The following EDC4 variants were observed in gnomAD, a reference collection of about 807,000 sequenced individuals.
EDC4 encodes the protein enhancer of mRNA decapping 4.
A neutral mutation model predicts 155.8 loss-of-function variants in EDC4; 64 were observed. That is an observed-to-expected ratio of 0.41 (90% CI 0.34 to 0.51). The LOEUF is 0.51. Among genes scored for constraint, EDC4 ranks in the 20% least tolerant of loss-of-function variants. The pLI is 0.19. For missense variants in EDC4, 1,303 were observed against 1,812.5 expected, an observed-to-expected ratio of 0.72 and a Z score of 5.10; for synonymous variants, 684 against 716.8, an observed-to-expected ratio of 0.95 and a Z score of 0.73.
Position 67,881,157 on chromosome 16 carries a change from C to T in EDC4, c.2613C>T (p.Ser871=). ...ATCACCTGCTGCAGCAACGTGACAGCCAGGATGCCAGTGCTGAGCAAAGGT... is the reference window on the plus strand; with the variant it reads ...ATCACCTGCTGCAGCAACGTGACAGTCAGGATGCCAGTGCTGAGCAAAGGT... ...PPYHLLQQRD[S]QDASAEQSDH... is the part of the protein sequence containing the mutation. Residue 871 remains serine, a synonymous_variant, in exon 19 of 29, where the codon AGC becomes AGT. Transcript: ENST00000358933. The surrounding 1 kb of genome is among the most constrained non-coding windows in gnomAD (Gnocchi z 5.4). 1 of 1,614,142 alleles carries T rather than the reference C, an allele frequency of 6.2e-7. No individual in the cohort carries two copies. The highest frequency in any genetic ancestry group is 8.5e-7 in the Non-Finnish European group (1 of 1,180,038).
At position 67,877,866 on chromosome 16, in the gene EDC4, C is replaced by T. The variant is rs1204252535; in HGVS notation, c.894+21C>T. ...GCACGGTAAGCCTGTGACTGCCTGC[C>T]TCCCCTGCCCTCCCCACTTCCTCAT... is the stretch of plus-strand genomic sequence containing the variant. On this transcript the variant is annotated intron_variant, in intron 7 of 28. Transcript: ENST00000358933. This position sits in a 1 kb window ranked among gnomAD's most constrained non-coding sequence, Gnocchi z 4.9. The T allele has an allele frequency of 6.2e-7, 1 of 1,613,096 alleles. No individual in the cohort carries two copies. Among genetic ancestry groups the T allele is most frequent in the Non-Finnish European group, 8.5e-7 (1 of 1,179,754 alleles).
chr16:67,881,795 C>G lies in EDC4; in HGVS notation c.2954C>G (p.Thr985Arg). The change falls in exon 22 of 29, where the codon ACA becomes AGA. Residue 985 changes from threonine to arginine, a missense_variant. Coordinates refer to ENST00000358933, the MANE Select transcript of EDC4 (RefSeq NM_014329.5). The surrounding 1 kb of genome is among the most constrained non-coding windows in gnomAD (Gnocchi z 5.4). ...LCTQLEGLQS[T>R]VTGHVERALE... ...ACCCAACTCGAAGGCCTGCAGAGCACAGTCACAGGCCACGTAGAACGTGCC... is the reference window on the plus strand; with the variant it reads ...ACCCAACTCGAAGGCCTGCAGAGCAGAGTCACAGGCCACGTAGAACGTGCC... The G allele has an allele frequency of 4.3e-6, 7 of 1,614,102 alleles. No individual in the cohort carries two copies. Among genetic ancestry groups the G allele is most frequent in the Non-Finnish European group, 5.9e-6 (7 of 1,179,948 alleles).
rs944972928 is a variant in EDC4, at chr16:67,884,294, G to A, written c.*146G>A. ...GGTCAGGGAGCAGGGAGCACTGGCC[G>A]TGGTCTACAGCGTGTGGTAGTCAGA... On this transcript the variant is annotated 3_prime_UTR_variant, in exon 29 of 29. Transcript: ENST00000358933. This position sits in a 1 kb window ranked among gnomAD's most constrained non-coding sequence, Gnocchi z 4.1. 8.0e-6 allele frequency: 6 copies of A among 751,626 alleles called. No individual in the cohort carries two copies. The highest frequency in any genetic ancestry group is 3.9e-4 in the Middle Eastern group (1 of 2,556). The allele number at this position is 751,626 out of a possible 1,614,324, so 46.6% of individuals were successfully genotyped here.
At position 67,876,407 on chromosome 16, in the gene EDC4, C is replaced by G; in HGVS notation, c.240-81C>G. 1 of 1,554,026 alleles carries G rather than the reference C, an allele frequency of 6.4e-7. No individual in the cohort carries two copies. Reference sequence around the variant, plus strand: ...GGACTAGATACCTTCCCCAGTCTGGCTATGTCCTCGCTTCCTCCCAACCCT... The same window carrying G: ...GGACTAGATACCTTCCCCAGTCTGGGTATGTCCTCGCTTCCTCCCAACCCT... On this transcript the variant is annotated intron_variant, in intron 2 of 28. Coordinates refer to ENST00000358933, the MANE Select transcript of EDC4 (RefSeq NM_014329.5). This position sits in a 1 kb window ranked among gnomAD's most constrained non-coding sequence, Gnocchi z 5.8.
In EDC4 at chr16:67,882,684, C is replaced by G. The variant is rs1267285256; in HGVS notation, c.3448C>G (p.Gln1150Glu). 6 of 1,614,136 alleles carry G rather than the reference C, an allele frequency of 3.7e-6. No homozygotes were observed. The highest frequency in any genetic ancestry group is 1.3e-5 in the African/African-American group (1 of 74,940). The part of the protein sequence containing the change: ...SFRLGTQEYL[Q>E]QLESHMKSRK... ...TCCCTGTGGTCACCCCTCAGACTTG[C>G]AGCAGCTAGAAAGCCACATGAAGAG... The change falls in exon 26 of 29, where the codon CAG becomes GAG. Residue 1150 changes from glutamine (Q) to glutamate (E), a missense_variant. Gln to Glu is a conservative substitution (Grantham distance 29). Around this residue, in one of 5 missense-constraint regions of EDC4, gnomAD observed 527 missense variants for 757.0 expected, o/e 0.70. Coordinates refer to ENST00000358933, the MANE Select transcript of EDC4 (RefSeq NM_014329.5). This position sits in a 1 kb window ranked among gnomAD's most constrained non-coding sequence, Gnocchi z 7.2.
rs185255821 is a variant in EDC4 at position 67,881,580 on chromosome 16, G to A, written c.2826+47G>A. 76 of 1,613,432 alleles carry A rather than the reference G, an allele frequency of 4.7e-5. No individual in the cohort carries two copies. In the African/African-American group the frequency reaches 7.6e-4, roughly 16 times the overall value. ...GTACTTGTGGAACTTCACCCTGGGC[G>A]GGTGGAGAAGGGCTCTGGGCCATTC... On this transcript the variant is annotated intron_variant, in intron 21 of 28. Coordinates refer to ENST00000358933, the MANE Select transcript of EDC4 (RefSeq NM_014329.5). The surrounding 1 kb of genome is among the most constrained non-coding windows in gnomAD (Gnocchi z 5.4).
Position 67,880,934 on chromosome 16 carries a change from G to C in EDC4, c.2475G>C (p.Gln825His). ...AGGAGGCCTCGACTCCTGACAGTCAGGTTTGGCCCACAGCACCTGACATTA... is the reference window on the plus strand; with the variant it reads ...AGGAGGCCTCGACTCCTGACAGTCACGTTTGGCCCACAGCACCTGACATTA... Reference protein sequence around the residue: ...LTQEASTPDSQVWPTAPDITR... With the variant: ...LTQEASTPDSHVWPTAPDITR... The change falls in exon 18 of 29, where the codon CAG (glutamine) becomes CAC (histidine). Residue 825 changes from glutamine (Q) to histidine (H), a missense_variant. Physicochemically the swap from Gln to His is conservative, Grantham distance 24 (BLOSUM62 0). This residue lies in a region of EDC4 where 527 missense variants were observed against 757.0 expected (regional missense o/e 0.70). Transcript: ENST00000358933. The surrounding 1 kb of genome is among the most constrained non-coding windows in gnomAD (Gnocchi z 5.2). 6.2e-7 allele frequency: 1 copy of C among 1,614,034 alleles called. No homozygotes were observed. Among genetic ancestry groups the C allele is most frequent in the Non-Finnish European group, 8.5e-7 (1 of 1,180,006 alleles).
Position 67,879,405 on chromosome 16 carries a change from C to T in EDC4, c.1542-7C>T. 1 of 1,614,214 alleles carries T rather than the reference C, an allele frequency of 6.2e-7. No individual in the cohort carries two copies. The highest frequency in any genetic ancestry group is 8.5e-7 in the Non-Finnish European group (1 of 1,180,040). On this transcript the variant is annotated splice_region_variant and splice_polypyrimidine_tract_variant and intron_variant, in intron 13 of 28. Coordinates refer to ENST00000358933, the MANE Select transcript of EDC4 (RefSeq NM_014329.5). The surrounding 1 kb of genome is among the most constrained non-coding windows in gnomAD (Gnocchi z 6.0). ...AGCACTTTATTCTCCCCCTTCTTTT[C>T]CTGCAGGGCACTGCAAGATGTGCAG...
Position 67,879,881 on chromosome 16 carries a change from G to A in EDC4, c.1853G>A (p.Gly618Asp), listed in dbSNP as rs1344603022. 2 of 1,610,894 alleles carry A rather than the reference G, an allele frequency of 1.2e-6. No homozygotes were observed. Among genetic ancestry groups the A allele is most frequent in the Admixed American group, 3.3e-5 (2 of 59,956 alleles). The change falls in exon 16 of 29, where the codon GGT becomes GAT. Residue 618 changes from glycine (G) to aspartate (D), a missense_variant. Gly to Asp is a moderately conservative substitution (Grantham distance 94, BLOSUM62 -1). This residue lies in a region of EDC4 where 391 missense variants were observed against 445.4 expected (regional missense o/e 0.88). Transcript: ENST00000358933. The surrounding 1 kb of genome is among the most constrained non-coding windows in gnomAD (Gnocchi z 6.0). ...ITASPSSSSSGSSSSSSSSSS... is the reference protein window; with the variant it reads ...ITASPSSSSSDSSSSSSSSSS... Reference sequence around the variant, plus strand: ...GCCTCTCCCAGCAGCAGCAGCAGCGGTAGCAGCAGCAGCAGCAGCAGTAGC... The same window carrying A: ...GCCTCTCCCAGCAGCAGCAGCAGCGATAGCAGCAGCAGCAGCAGCAGTAGC...
In EDC4 at chr16:67,884,180, G is replaced by A. The variant is rs201317918; in HGVS notation, c.*32G>A. ...AGCCTGCCTTGCCCAGGGGTGGGATGGCACTGAAGGCCAGCAGACAGGCCT... is the reference window on the plus strand; with the variant it reads ...AGCCTGCCTTGCCCAGGGGTGGGATAGCACTGAAGGCCAGCAGACAGGCCT... On this transcript the variant is annotated 3_prime_UTR_variant, in exon 29 of 29. Transcript: ENST00000358933. The surrounding 1 kb of genome is among the most constrained non-coding windows in gnomAD (Gnocchi z 4.1). The A allele has an allele frequency of 1.7e-5, 27 of 1,563,556 alleles. No individual in the cohort carries two copies. In the Admixed American group the frequency reaches 2.5e-4, roughly 14 times the overall value.
Position 67,881,658 on chromosome 16 carries a change from C to A in EDC4, c.2827-10C>A. 1.2e-6 allele frequency: 2 copies of A among 1,611,214 alleles called. No homozygotes were observed. The highest frequency in any genetic ancestry group is 8.5e-7 in the Non-Finnish European group (1 of 1,177,660). On this transcript the variant is annotated splice_polypyrimidine_tract_variant and intron_variant, in intron 21 of 28. Transcript: ENST00000358933. This position sits in a 1 kb window ranked among gnomAD's most constrained non-coding sequence, Gnocchi z 5.4. ...GGCAGGCATCGTGTGACTGTCAGTG[C>A]TACTGACAGGTGGCAGAGCCCCCTG...
Position 67,883,216 on chromosome 16 carries a change from T to C in EDC4, c.3849+39T>C. 6.6e-7 allele frequency: 1 copy of C among 1,520,450 alleles called. No individual in the cohort carries two copies. The highest frequency in any genetic ancestry group is 8.8e-7 in the Non-Finnish European group (1 of 1,132,906). 94.2% of individuals were successfully genotyped at this position (1,520,450 alleles called of 1,614,324 possible). ...TAGGCCCTGCTAAGGGTCACGTGTC[T>C]CTTGACAAGGCCCACATACCATACA... On this transcript the variant is annotated intron_variant, in intron 27 of 28. Coordinates refer to ENST00000358933, the MANE Select transcript of EDC4 (RefSeq NM_014329.5). This position sits in a 1 kb window ranked among gnomAD's most constrained non-coding sequence, Gnocchi z 5.3.
In EDC4 at chr16:67,878,889, C is replaced by T; in HGVS notation, c.1287+50C>T. ...GCAGAGTTGGGATTATAGAGGAAGGCCGGGGGGCAGGTGGCGCATCACAGC... is the reference window on the plus strand; with the variant it reads ...GCAGAGTTGGGATTATAGAGGAAGGTCGGGGGGCAGGTGGCGCATCACAGC... On this transcript the variant is annotated intron_variant, in intron 11 of 28. Coordinates refer to ENST00000358933, the MANE Select transcript of EDC4 (RefSeq NM_014329.5). The surrounding 1 kb of genome is among the most constrained non-coding windows in gnomAD (Gnocchi z 5.2). 1.2e-6 allele frequency: 2 copies of T among 1,611,198 alleles called. No individual in the cohort carries two copies. Among genetic ancestry groups the T allele is most frequent in the East Asian group, 4.5e-5 (2 of 44,884 alleles).
chr16:67,884,050 T>C lies in EDC4; in HGVS notation c.4108T>C (p.Phe1370Leu), dbSNP rs1567392665. ...SVMAQVRQKLFQFLQAEPHNS... is the reference protein window; with the variant it reads ...SVMAQVRQKLLQFLQAEPHNS... Reference sequence around the variant, plus strand: ...TATGGCCCAGGTGCGCCAAAAGCTTTTTCAGTTCCTGCAGGCTGAGCCACA... The same window carrying C: ...TATGGCCCAGGTGCGCCAAAAGCTTCTTCAGTTCCTGCAGGCTGAGCCACA... The change falls in exon 29 of 29, where the codon TTT (phenylalanine) becomes CTT (leucine). Residue 1370 changes from phenylalanine to leucine, a missense_variant. Transcript: ENST00000358933. This position sits in a 1 kb window ranked among gnomAD's most constrained non-coding sequence, Gnocchi z 4.1. 2 of 1,614,124 alleles carry C rather than the reference T, an allele frequency of 1.2e-6. No homozygotes were observed. Among genetic ancestry groups the C allele is most frequent in the Non-Finnish European group, 8.5e-7 (1 of 1,180,020 alleles).
In EDC4 at chr16:67,878,082, GAGTC is replaced by G; in HGVS notation, c.895-81_895-78del. The G allele has an allele frequency of 6.3e-7, 1 of 1,582,316 alleles. No homozygotes were observed. The highest frequency in any genetic ancestry group is 8.6e-7 in the Non-Finnish European group (1 of 1,162,692). ...CACACAAGCATGCCAGTCCCACCGTGAGTCAGCCCAGCTCATTGCCATCCTCACT... is the reference window on the plus strand; with the variant it reads ...CACACAAGCATGCCAGTCCCACCGTGAGCCCAGCTCATTGCCATCCTCACT... On this transcript the variant is annotated intron_variant, in intron 7 of 28. Coordinates refer to ENST00000358933, the MANE Select transcript of EDC4 (RefSeq NM_014329.5). This position sits in a 1 kb window ranked among gnomAD's most constrained non-coding sequence, Gnocchi z 5.2.
chr16:67,879,473 C>T lies in EDC4; in HGVS notation c.1603C>T (p.Leu535=). The change falls in exon 14 of 29, where the codon CTG becomes TTG. Residue 535 remains leucine, a synonymous_variant. Transcript: ENST00000358933. The surrounding 1 kb of genome is among the most constrained non-coding windows in gnomAD (Gnocchi z 6.0). ...PQLNPDVVAP[L]PTHTAHEDFT... is the part of the protein sequence containing the mutation. ...GCTGAACCCTGATGTGGTGGCCCCA[C>T]TGCCCACCCACACTGCCCACGAGGA... 6.2e-7 allele frequency: 1 copy of T among 1,614,212 alleles called. No individual in the cohort carries two copies.
chr16:67,878,254 T>A lies in EDC4; in HGVS notation c.983T>A (p.Ile328Asn), dbSNP rs1284974764. 2 of 1,613,876 alleles carry A rather than the reference T, an allele frequency of 1.2e-6. No individual in the cohort carries two copies. The highest frequency in any genetic ancestry group is 1.1e-5 in the South Asian group (1 of 91,066). ...TATGTCAAGTTCTGGCAGATCTACA[T>A]TGAGGGGCAAGATGAGCCAAGGTAA... ...DGYVKFWQIY[I>N]EGQDEPRCLH... Residue 328 changes from isoleucine (I) to asparagine (N), a missense_variant, in exon 8 of 29, where the codon ATT (isoleucine) becomes AAT (asparagine). Around this residue, in one of 5 missense-constraint regions of EDC4, gnomAD observed 235 missense variants for 367.7 expected, o/e 0.64. Coordinates refer to ENST00000358933, the MANE Select transcript of EDC4 (RefSeq NM_014329.5). The surrounding 1 kb of genome is among the most constrained non-coding windows in gnomAD (Gnocchi z 5.2).
At position 67,883,311 on chromosome 16, in the gene EDC4, G is replaced by C; in HGVS notation, c.3849+134G>C. Reference sequence around the variant, plus strand: ...TGTTCTTGGTTCCCTTTGGCCTCCAGGCCATTGTCCCTGCTGCTTCCTCTT... The same window carrying C: ...TGTTCTTGGTTCCCTTTGGCCTCCACGCCATTGTCCCTGCTGCTTCCTCTT... On this transcript the variant is annotated intron_variant, in intron 27 of 28. Transcript: ENST00000358933. The surrounding 1 kb of genome is among the most constrained non-coding windows in gnomAD (Gnocchi z 5.3). 2 of 1,405,876 alleles carry C rather than the reference G, an allele frequency of 1.4e-6. No individual in the cohort carries two copies. The highest frequency in any genetic ancestry group is 1.9e-6 in the Non-Finnish European group (2 of 1,060,294). The allele number at this position is 1,405,876 out of a possible 1,614,324, so 87.1% of individuals were successfully genotyped here. A position where few individuals can be genotyped will look rare whatever the true frequency, so the allele number is the denominator to read the frequency against.
chr16:67,876,621 C>T lies in EDC4; in HGVS notation c.351+22C>T, dbSNP rs1326232252. ...CAAGGTAGGTACTGGGATGCTGTGG[C>T]ATATATAATGTACGGGGGCACACCC... On this transcript the variant is annotated intron_variant, in intron 3 of 28. Transcript: ENST00000358933. The surrounding 1 kb of genome is among the most constrained non-coding windows in gnomAD (Gnocchi z 5.8). 2 of 1,613,224 alleles carry T rather than the reference C, an allele frequency of 1.2e-6. No homozygotes were observed. The highest frequency in any genetic ancestry group is 1.3e-5 in the African/African-American group (1 of 74,904).
Sources: allele counts gnomAD v4.1 joint callset, GRCh38; gene constraint gnomAD v4.1.1; regional missense constraint gnomAD v4.1.1; non-coding constraint Gnocchi (gnomAD v3.1); transcripts MANE v1.5; gene names NCBI Gene and HGNC (gene_info 2026-07-23, HGNC 2026-07-21).